CAMTA1: variants seen among roughly 807,000 people sequenced by gnomAD.
CAMTA1 encodes calmodulin-binding transcription activator 1.
A neutral mutation model predicts 170.9 loss-of-function variants in CAMTA1; 27 were observed. The observed-to-expected ratio is 0.16, with a 90% CI of 0.12 to 0.22. The LOEUF (loss-of-function observed/expected upper bound fraction) is 0.22, where lower values mean the gene tolerates loss of function less well. CAMTA1 is among the 10% of genes least tolerant of loss of function. The pLI, the probability that CAMTA1 is intolerant of heterozygous loss-of-function variation, is 1.00. For missense variants in CAMTA1, 1,619 were observed against 2,217.2 expected, an observed-to-expected ratio of 0.73 and a Z score of 5.42; for synonymous variants, 833 against 891.5, an observed-to-expected ratio of 0.93 and a Z score of 1.17.
rs1280189416 is a variant in CAMTA1 at position 7,044,401 on chromosome 1, C to T, written c.235-46903C>T. Among the ~76,000 whole-genome samples the T allele has an allele frequency of 1.3e-5, 2 of 151,748 alleles. No individual in the cohort carries two copies. Among genetic ancestry groups the T allele is most frequent in the African/African-American group, 2.4e-5 (1 of 41,302 alleles). ...CTCACAGCAGTACTGCTGGGGACGC[C>T]GAGGACGCAGAGCCGTGCCACTGGG... On this transcript the variant is annotated intron_variant, in intron 3 of 22. Coordinates refer to ENST00000303635, the MANE Select transcript of CAMTA1 (RefSeq NM_015215.4). The surrounding 1 kb of genome is among the most constrained non-coding windows in gnomAD (Gnocchi z 5.0).
At chr1:6,799,225 A>G (rs2148172857) in intron 1 of CAMTA1, among the ~76,000 whole-genome samples, 1 of 152,074 alleles carries the variant, frequency 6.6e-6, no homozygotes, top group South Asian at 2.1e-4. Flanking sequence ...GTGCCACCAC[A>G]CCCGGCTAAT....
intron 6 of CAMTA1, among the ~76,000 whole-genome samples, chr1:7,630,434 C>A (rs1019029581): frequency 6.6e-6 from 1 of 152,234 alleles, no homozygotes; most frequent in Non-Finnish European, 1.5e-5. Context: ...GGAGGCAGGG[C>A]AAGCCAGCCC....
chr1:7,337,085 C>A (rs1449588601), intron 5 of CAMTA1, among the ~76,000 whole-genome samples: 1 of 152,232 alleles, frequency 6.6e-6, no homozygotes, highest in African/African-American at 2.4e-5. Context: ...GATCTGACCT[C>A]TCTGGGGGAG....
At chr1:6,822,794 CCACACACACA>C (rs3061932) in intron 2 of CAMTA1, among the ~76,000 whole-genome samples, 21 of 146,582 alleles carry the variant, frequency 1.4e-4, no homozygotes, top group Admixed American at 7.6e-4. Flanking sequence ...TACATAAATA[CCACACACACA>C]CACACACACA....
intron 4 of CAMTA1, among the ~76,000 whole-genome samples, chr1:7,141,759 G>C (rs1645902590): frequency 1.3e-5 from 2 of 152,198 alleles, no homozygotes. Context: ...GATCCTGGTA[G>C]GTTCTTTTAA....
intron 5 of CAMTA1, chr1:7,382,377 C>T (rs1351897746): frequency 6.6e-6 from 1 of 152,144 alleles, no homozygotes; most frequent in Non-Finnish European, 1.5e-5. Flanking sequence ...AAATCTGGTA[C>T]TTGGAGAGGA....
chr1:7,519,114 C>G (rs537960162), intron 6 of CAMTA1, among the ~76,000 whole-genome samples: 10 of 152,196 alleles, frequency 6.6e-5, no homozygotes, highest in African/African-American at 2.4e-4. Flanking sequence ...AAGTTGAGAT[C>G]ATAAACAGGT....
chr1:7,734,167 G>A (rs1404621952), intron 12 of CAMTA1, among the ~76,000 whole-genome samples: 1 of 152,112 alleles, frequency 6.6e-6, no homozygotes, highest in African/African-American at 2.4e-5. Context: ...GACTGGTCTC[G>A]AACTCCCAAC....
chr1:7,370,966 C>T (rs1464217197), intron 5 of CAMTA1, among the ~76,000 whole-genome samples: 1 of 125,108 alleles, frequency 8.0e-6, no homozygotes, highest in African/African-American at 3.0e-5. Flanking sequence ...GGCTGGAGTG[C>T]AGTGGCGCGA....
rs527995789 is a variant in CAMTA1, at chr1:7,477,208, C to T, written c.510+9307C>T. Reference sequence around the variant, plus strand: ...GAAACCCAGCCCTGGTCTTAGAAGCCGCCTCGAAAGCTTCATCTGGACTAG... The same window carrying T: ...GAAACCCAGCCCTGGTCTTAGAAGCTGCCTCGAAAGCTTCATCTGGACTAG... On this transcript the variant is annotated intron_variant, in intron 6 of 22. Coordinates refer to ENST00000303635, the MANE Select transcript of CAMTA1 (RefSeq NM_015215.4). Among the ~76,000 whole-genome samples, 13 of 152,220 alleles carry T rather than the reference C, an allele frequency of 8.5e-5. 1 individual carries two copies. The South Asian group carries it at 1.0e-3, about 12-fold the overall frequency.
At chr1:7,526,489 C>G (rs1001227307) in intron 6 of CAMTA1, among the ~76,000 whole-genome samples, 1 of 152,188 alleles carries the variant, frequency 6.6e-6, no homozygotes, top group African/African-American at 2.4e-5. Flanking sequence ...CTGTCCAGGC[C>G]GTGGATACTG....
chr1:7,023,184 A>G (rs116244254), intron 3 of CAMTA1, among the ~76,000 whole-genome samples: 3,110 of 152,376 alleles, frequency 0.02, 88 homozygotes, highest in African/African-American at 0.07. Context: ...TAAGCTGTAT[A>G]TAGATATGAG....
intron 5 of CAMTA1, among the ~76,000 whole-genome samples, chr1:7,260,618 G>A (rs1256389281): frequency 1.3e-5 from 2 of 152,218 alleles, no homozygotes; most frequent in Non-Finnish European, 2.9e-5. Context: ...GTTGAGACCA[G>A]GTGGGTTAAA....
chr1:6,940,949 G>GGGGGATCCTCAGGGGGA (rs1553193094), intron 3 of CAMTA1, among the ~76,000 whole-genome samples: 1 of 6,686 alleles, frequency 1.5e-4, no homozygotes, highest in African/African-American at 8.7e-4. Flanking sequence ...CTCAGGGGGA[G>GGGGGATCCTCAGGGGGA]GGGGGATCCT....
At chr1:7,659,927 G>C (rs754126989) in intron 7 of CAMTA1, among the ~76,000 whole-genome samples, 9 of 152,196 alleles carry the variant, frequency 5.9e-5, no homozygotes, top group African/African-American at 1.4e-4. Flanking sequence ...GAGGCTCAGA[G>C]AGGCTAAGTG....
intron 6 of CAMTA1, among the ~76,000 whole-genome samples, chr1:7,492,670 C>CACACAT (rs1553180509): frequency 4.3e-5 from 6 of 140,856 alleles, no homozygotes; most frequent in East Asian, 2.1e-4. Context: ...AACATACGAA[C>CACACAT]ACACACACAC....
intron 5 of CAMTA1, among the ~76,000 whole-genome samples, chr1:7,306,630 A>G (rs528855914): frequency 6.6e-6 from 1 of 152,122 alleles, no homozygotes; most frequent in Admixed American, 6.5e-5. Flanking sequence ...TTTGCCTTTC[A>G]GTATACATTT....
At chr1:7,730,924 CTCTCTA>C (rs756769522) in intron 11 of CAMTA1, among the ~76,000 whole-genome samples, 1,927 of 108,004 alleles carry the variant, frequency 0.018, 15 homozygotes, top group South Asian at 0.043. Flanking sequence ...CTCTCTCTCT[CTCTCTA>C]TATATATATA....
chr1:7,176,610 T>G (rs971787940), intron 4 of CAMTA1, among the ~76,000 whole-genome samples: 3 of 152,230 alleles, frequency 2.0e-5, no homozygotes, highest in African/African-American at 7.2e-5. Flanking sequence ...TTTTCCTGGT[T>G]GCCCTGGGTT....
Sources: gnomAD v4.1 joint callset for allele counts (sites outside exome capture counted in the v4.1 genomes callset) on GRCh38, gnomAD v4.1.1 for gene constraint, Gnocchi (gnomAD v3.1) non-coding constraint, MANE v1.5 for transcripts, NCBI Gene and HGNC (gene_info 2026-07-23, HGNC 2026-07-21) for gene names.